The following ZBTB20 variants were observed in gnomAD, a reference collection of about 807,000 sequenced individuals.
ZBTB20 encodes the protein zinc finger and BTB domain containing 20.
A neutral mutation model predicts 56.9 loss-of-function variants in ZBTB20; 9 were observed. That is an observed-to-expected ratio of 0.16 (90% confidence interval 0.10 to 0.28). ZBTB20 has a LOEUF of 0.28. Among genes scored for constraint, ZBTB20 ranks in the 10% least tolerant of loss-of-function variants. The pLI is 1.00. For synonymous variants in ZBTB20, 417 were observed against 420.7 expected (o/e 0.99, Z 0.11); for missense variants, 655 against 1,003.0 (o/e 0.65, Z 4.69).
At chr3:114,442,112 G>A (rs2090969462) in intron 7 of ZBTB20, among the ~76,000 whole-genome samples, 1 of 152,126 alleles carries the variant, frequency 6.6e-6, no homozygotes. Flanking sequence ...GGCCAAGGGA[G>A]GGAAATGTCA....
intron 2 of ZBTB20, among the ~76,000 whole-genome samples, chr3:115,009,827 C>G (rs182093791): frequency 6.6e-6 from 1 of 151,950 alleles, no homozygotes; most frequent in South Asian, 2.1e-4. Context: ...AAGGCCCTCA[C>G]TAGATGCCCA....
In ZBTB20 at chr3:114,350,262, G is replaced by A; in HGVS notation, c.1804+12C>T. ...CCCCTGCTGCCAGGCCTCCAGGTGG[G>A]GTGACACTCACCTGTGTGTACGAAC... On this transcript the variant is annotated intron_variant, in intron 11 of 11. Coordinates refer to ENST00000675478, the MANE Select transcript of ZBTB20 (RefSeq NM_001348800.3). The A allele has an allele frequency of 3.2e-6, 5 of 1,582,784 alleles. No homozygotes were observed. Among genetic ancestry groups the A allele is most frequent in the Non-Finnish European group, 4.3e-6 (5 of 1,158,806 alleles).
intron 6 of ZBTB20, among the ~76,000 whole-genome samples, chr3:114,594,371 A>T (rs1464220725): frequency 6.7e-6 from 1 of 148,732 alleles, no homozygotes; most frequent in East Asian, 2.0e-4. Context: ...GGTTCAAGTG[A>T]TTCCCCTGCC....
chr3:114,451,016 C>T (rs1445746856), intron 7 of ZBTB20, among the ~76,000 whole-genome samples: 3 of 151,614 alleles, frequency 2.0e-5, no homozygotes, highest in Non-Finnish European at 4.4e-5. Context: ...TCCATTTTAC[C>T]ATCTATCACC....
At chr3:114,552,929 T>C (rs1019024918) in intron 6 of ZBTB20, among the ~76,000 whole-genome samples, 9 of 152,224 alleles carry the variant, frequency 5.9e-5, no homozygotes, top group Non-Finnish European at 1.2e-4. Context: ...TTCTATTTTA[T>C]ATAAATGCAC....
chr3:114,361,405 G>A (rs974743829), intron 10 of ZBTB20, among the ~76,000 whole-genome samples: 18 of 152,126 alleles, frequency 1.2e-4, no homozygotes, highest in African/African-American at 4.1e-4. Flanking sequence ...GGTTTCCACT[G>A]GTTGGTGAGG....
intron 5 of ZBTB20, among the ~76,000 whole-genome samples, chr3:114,714,704 A>T (rs2108458812): frequency 6.6e-6 from 1 of 152,334 alleles, no homozygotes; most frequent in East Asian, 1.9e-4. Flanking sequence ...GTGCCCTAAA[A>T]ATATCAACAA....
chr3:114,624,600 AAC>A (rs2058545216), intron 6 of ZBTB20, among the ~76,000 whole-genome samples: 1 of 152,228 alleles, frequency 6.6e-6, no homozygotes, highest in Non-Finnish European at 1.5e-5. Context: ...AAGCAATTTC[AAC>A]AGTGTCACTG....
At chr3:114,983,244 T>C (rs1338727297) in intron 2 of ZBTB20, among the ~76,000 whole-genome samples, 1 of 152,026 alleles carries the variant, frequency 6.6e-6, no homozygotes, top group Non-Finnish European at 1.5e-5. Flanking sequence ...CACATATATA[T>C]CAGGCTTTTC....
At chr3:115,006,126 T>C (rs2079458894) in intron 2 of ZBTB20, among the ~76,000 whole-genome samples, 1 of 151,750 alleles carries the variant, frequency 6.6e-6, no homozygotes, top group Non-Finnish European at 1.5e-5. Context: ...ATCCTTCTTA[T>C]CATTTGAGTC....
chr3:114,716,655 G>A (rs1333651629), intron 5 of ZBTB20, among the ~76,000 whole-genome samples: 1 of 152,108 alleles, frequency 6.6e-6, no homozygotes, highest in African/African-American at 2.4e-5. Flanking sequence ...GATATTATGA[G>A]AAGGTTTCCA....
intron 2 of ZBTB20, among the ~76,000 whole-genome samples, chr3:115,031,523 C>A (rs1222149441): frequency 6.6e-6 from 1 of 151,368 alleles, no homozygotes; most frequent in South Asian, 2.1e-4. Flanking sequence ...TATTTGACCT[C>A]CTATAGACTG....
At chr3:114,839,465 A>AAGAGAG (rs1553842183) in intron 4 of ZBTB20, among the ~76,000 whole-genome samples, 1 of 148,264 alleles carries the variant, frequency 6.7e-6, no homozygotes, top group South Asian at 2.2e-4. Flanking sequence ...GAAAGAAAGA[A>AAGAGAG]AGAGAGAGAG....
chr3:114,731,875 C>T (rs754070180), intron 5 of ZBTB20, among the ~76,000 whole-genome samples: 6 of 151,796 alleles, frequency 4.0e-5, no homozygotes, highest in Admixed American at 2.0e-4. Flanking sequence ...TCCGGCTGTG[C>T]CTAGATTAGT....
intron 6 of ZBTB20, among the ~76,000 whole-genome samples, chr3:114,662,748 G>A (rs1196990328): frequency 2.0e-5 from 3 of 150,568 alleles, no homozygotes; most frequent in African/African-American, 7.3e-5. Context: ...TTTTTGATGG[G>A]GTTGTTTGTT....
chr3:115,142,420 T>C (rs958808897), intron 1 of ZBTB20, among the ~76,000 whole-genome samples: 5 of 152,162 alleles, frequency 3.3e-5, no homozygotes, highest in Non-Finnish European at 7.3e-5. Flanking sequence ...CCTAGCTCTT[T>C]GGGAGGCCAA....
At chr3:114,952,117 G>T (rs991604718) in intron 3 of ZBTB20, among the ~76,000 whole-genome samples, 1 of 152,064 alleles carries the variant, frequency 6.6e-6, no homozygotes, top group African/African-American at 2.4e-5. Context: ...AACAGAAGCA[G>T]AGAAGAAAGA....
chr3:114,960,587 A>G (rs924564549), intron 3 of ZBTB20, among the ~76,000 whole-genome samples: 1 of 152,254 alleles, frequency 6.6e-6, no homozygotes, highest in African/African-American at 2.4e-5. Context: ...GTTGAGTATT[A>G]TATTTCACTA....
chr3:114,990,870 T>C (rs112531065), intron 2 of ZBTB20, among the ~76,000 whole-genome samples: 13,897 of 152,242 alleles, frequency 0.091, 1,860 homozygotes, highest in African/African-American at 0.29. Context: ...CCATTTCTGC[T>C]AGATTTTCTA....
Sources: gnomAD v4.1 joint callset for allele counts (sites outside exome capture counted in the v4.1 genomes callset) on GRCh38, gnomAD v4.1.1 for gene constraint, MANE v1.5 for transcripts, NCBI Gene and HGNC (gene_info 2026-07-23, HGNC 2026-07-21) for gene names.